TBC1D19: variants seen among roughly 807,000 people sequenced by gnomAD.
The protein encoded by TBC1D19 is TBC1 domain family member 19.
Under a neutral mutation model 89.0 loss-of-function variants are expected in TBC1D19, and 60 were observed. The ratio of observed to expected loss-of-function variants is 0.67; its 90% CI spans 0.55 to 0.84. The LOEUF is 0.84. Among genes scored for constraint, TBC1D19 ranks in the 40% least tolerant of loss-of-function variants. The pLI is 0.00. For synonymous variants in TBC1D19, 189 were observed against 199.7 expected (o/e 0.95, Z 0.45); for missense variants, 500 against 610.8 (o/e 0.82, Z 1.91).
At chr4:26,697,556 C>CA (rs1326702595) in intron 13 of TBC1D19, among the ~76,000 whole-genome samples, 2 of 151,948 alleles carry the variant, frequency 1.3e-5, no homozygotes, top group Non-Finnish European at 2.9e-5. Context: ...AGAGACACAA[C>CA]AAAAAAAGAG....
the TBC1D19 span, among the ~76,000 whole-genome samples, chr4:26,781,880 TTC>T: frequency 6.6e-6 from 1 of 152,200 alleles, no homozygotes; most frequent in African/African-American, 2.4e-5. Flanking sequence ...TTTAATTATT[TTC>T]TCTTAAGGCA....
the TBC1D19 span, among the ~76,000 whole-genome samples, chr4:26,812,759 AAG>A: frequency 6.6e-6 from 1 of 151,236 alleles, no homozygotes; most frequent in Non-Finnish European, 1.5e-5. This position sits in a 1 kb window ranked among gnomAD's most constrained non-coding sequence, Gnocchi z 4.2. Context: ...GTATTCAAAA[AAG>A]GATATATATA....
chr4:26,838,121 T>A, the TBC1D19 span, among the ~76,000 whole-genome samples: 1 of 152,148 alleles, frequency 6.6e-6, no homozygotes, highest in African/African-American at 2.4e-5. Context: ...TCTTGGCCCC[T>A]TTCCCATCCA....
chr4:26,729,149 T>G (rs1185091972), intron 15 of TBC1D19, among the ~76,000 whole-genome samples: 1 of 152,252 alleles, frequency 6.6e-6, no homozygotes, highest in Non-Finnish European at 1.5e-5. Context: ...AGATAATACA[T>G]CAGAGGCAAT....
At chr4:26,635,508 C>T (rs960535356) in intron 4 of TBC1D19, among the ~76,000 whole-genome samples, 2 of 152,006 alleles carry the variant, frequency 1.3e-5, no homozygotes, top group African/African-American at 4.8e-5. Flanking sequence ...ATTGAGTATG[C>T]TTTTATTCTT....
downstream of TBC1D19, among the ~76,000 whole-genome samples, chr4:26,759,944 A>G (rs969537390): frequency 6.6e-6 from 1 of 152,210 alleles, no homozygotes; most frequent in Non-Finnish European, 1.5e-5. Context: ...TCATGTGGAC[A>G]TATATCTTCA....
chr4:26,851,678 G>A, the TBC1D19 span, among the ~76,000 whole-genome samples: 1 of 152,150 alleles, frequency 6.6e-6, no homozygotes, highest in Non-Finnish European at 1.5e-5. Context: ...GAGTAGTGAT[G>A]TCTATAAATG....
chr4:26,658,472 C>A (rs1745016941), intron 7 of TBC1D19, among the ~76,000 whole-genome samples: 1 of 152,234 alleles, frequency 6.6e-6, no homozygotes, highest in East Asian at 1.9e-4. Flanking sequence ...CAGTACCAGT[C>A]TGTTTTGGTT....
At chr4:26,584,399 C>T (rs550197782) in intron 1 of TBC1D19, 107 bp downstream of exon 1, 2 of 967,890 alleles carry the variant, frequency 2.1e-6, no homozygotes, top group Non-Finnish European at 3.1e-6. Context: ...TCTCCAGCTC[C>T]GCTCTGGTGC....
the TBC1D19 span, among the ~76,000 whole-genome samples, chr4:26,825,567 G>C: frequency 1.3e-5 from 2 of 152,178 alleles, no homozygotes; most frequent in East Asian, 3.8e-4. Flanking sequence ...ATTGTTCACT[G>C]TTTTGAAGAT....
At chr4:26,600,877 AAACAAGTC>A (rs1323501498) in intron 1 of TBC1D19, among the ~76,000 whole-genome samples, 2 of 152,236 alleles carry the variant, frequency 1.3e-5, no homozygotes, top group African/African-American at 4.8e-5. Flanking sequence ...AGGATTACAG[AAACAAGTC>A]CAGTCTACAG....
the TBC1D19 span, among the ~76,000 whole-genome samples, chr4:26,844,197 T>C: frequency 6.6e-6 from 1 of 152,202 alleles, no homozygotes; most frequent in Admixed American, 6.5e-5. Context: ...GAAGTGCCAG[T>C]ACTTCAACGT....
intron 7 of TBC1D19, among the ~76,000 whole-genome samples, chr4:26,647,051 A>G (rs188187717): frequency 6.6e-6 from 1 of 152,326 alleles, no homozygotes; most frequent in East Asian, 1.9e-4. Context: ...AGTAGTCCAG[A>G]AGACATGATG....
At chr4:26,731,422 A>T (rs2109296308) in intron 15 of TBC1D19, among the ~76,000 whole-genome samples, 1 of 152,218 alleles carries the variant, frequency 6.6e-6, no homozygotes. Context: ...CAAAAGAGAC[A>T]GGAGAGGTAC....
the TBC1D19 span, among the ~76,000 whole-genome samples, chr4:26,798,283 G>A: frequency 6.6e-6 from 1 of 152,118 alleles, no homozygotes; most frequent in African/African-American, 2.4e-5. Flanking sequence ...AATACAAGCA[G>A]TCAACAAACA....
the TBC1D19 span, among the ~76,000 whole-genome samples, chr4:26,792,440 A>C: frequency 6.6e-6 from 1 of 152,170 alleles, no homozygotes; most frequent in African/African-American, 2.4e-5. Context: ...AGAAATGGCA[A>C]TGGCAAATTT....
chr4:26,577,385 A>AT (rs1010731053), intron 1 of TBC1D19, among the ~76,000 whole-genome samples: 3 of 151,414 alleles, frequency 2.0e-5, no homozygotes, highest in Non-Finnish European at 4.4e-5. Context: ...CTCTCTTGTC[A>AT]TTTTTTGTTT....
chr4:26,730,076 C>T (rs546915471), intron 15 of TBC1D19, among the ~76,000 whole-genome samples: 5 of 152,170 alleles, frequency 3.3e-5, no homozygotes, highest in African/African-American at 9.6e-5. Context: ...TTAGGAGGCT[C>T]TTACAGAACC....
Position 26,686,045 on chromosome 4 carries a change from T to C in TBC1D19, c.891+2296T>C, listed in dbSNP as rs1433239124. 2.0e-5 allele frequency among the ~76,000 whole-genome samples: 3 copies of C among 152,178 alleles called. No homozygotes were observed. The East Asian group carries it at 5.8e-4, about 29-fold the overall frequency. Reference sequence around the variant, plus strand: ...ACGTGAATGTTTTTAGGAAGATATCTGTCTCTGGTTATTTTTGACTTAGTT... The same window carrying C: ...ACGTGAATGTTTTTAGGAAGATATCCGTCTCTGGTTATTTTTGACTTAGTT... On this transcript the variant is annotated intron_variant, in intron 12 of 20. Transcript: ENST00000264866.
Sources: allele counts gnomAD v4.1 joint callset (sites outside exome capture counted in the v4.1 genomes callset), GRCh38; gene constraint gnomAD v4.1.1; non-coding constraint Gnocchi (gnomAD v3.1); transcripts MANE v1.5; gene names NCBI Gene and HGNC (gene_info 2026-07-23, HGNC 2026-07-21).